Variants in DIS3L2 observed in about 807,000 individuals in gnomAD.
DIS3L2 encodes DIS3 like 3'-5' exoribonuclease 2, also known as DIS3-like exonuclease 2.
DIS3L2 carries 34 observed loss-of-function variants against 97.5 expected under a neutral mutation model. That is an observed-to-expected ratio of 0.35 (90% CI 0.27 to 0.46). DIS3L2 has a LOEUF of 0.46. Among genes scored for constraint, DIS3L2 ranks in the 20% least tolerant of loss-of-function variants. DIS3L2 has a pLI of 1.00. For missense variants in DIS3L2, 1,038 were observed against 1,146.0 expected (o/e 0.91, Z 1.36); for synonymous variants, 435 against 445.2 (o/e 0.98, Z 0.29).
intron 10 of DIS3L2, among the ~76,000 whole-genome samples, chr2:232,232,036 C>G (rs1692806072): frequency 6.6e-6 from 1 of 152,094 alleles, no homozygotes; most frequent in Non-Finnish European, 1.5e-5. Flanking sequence ...CGGGGAGACC[C>G]CTGGGTGTGA....
intron 6 of DIS3L2, among the ~76,000 whole-genome samples, chr2:232,109,463 A>T (rs886413778): frequency 2.0e-5 from 3 of 147,988 alleles, no homozygotes; most frequent in Admixed American, 1.3e-4. Flanking sequence ...ATAAATAAAT[A>T]AAAAAAAATA....
intron 14 of DIS3L2, among the ~76,000 whole-genome samples, chr2:232,318,116 G>A (rs1011211373): frequency 2.4e-4 from 37 of 151,486 alleles, no homozygotes; most frequent in African/African-American, 8.6e-4. Context: ...ACTCCTGCAA[G>A]GCCAGGCCTC....
In DIS3L2 at chr2:232,212,898, A is replaced by G. The variant is rs1031278772; in HGVS notation, c.1204+2493A>G. Among the ~76,000 whole-genome samples, 20 of 152,170 alleles carry G rather than the reference A, an allele frequency of 1.3e-4. 1 individual carries two copies. Among genetic ancestry groups the G allele is most frequent in the Non-Finnish European group, 4.4e-5 (3 of 68,030 alleles). ...GGGAGAGGAGTCCAAGATGGTGCCAAGGTTTCAACCTGGATGACTGGGAGA... is the reference window on the plus strand; with the variant it reads ...GGGAGAGGAGTCCAAGATGGTGCCAGGGTTTCAACCTGGATGACTGGGAGA... On this transcript the variant is annotated intron_variant, in intron 10 of 20. Coordinates refer to ENST00000325385, the MANE Select transcript of DIS3L2 (RefSeq NM_152383.5).
At chr2:232,217,201 G>A (rs1692364508) in intron 10 of DIS3L2, among the ~76,000 whole-genome samples, 1 of 152,130 alleles carries the variant, frequency 6.6e-6, no homozygotes. Context: ...CTGCTGATGA[G>A]GGATCACACC....
intron 12 of DIS3L2, among the ~76,000 whole-genome samples, chr2:232,254,486 CT>C (rs1693503422): frequency 6.8e-6 from 1 of 147,574 alleles, no homozygotes; most frequent in African/African-American, 2.4e-5. Flanking sequence ...TTTGTATTTT[CT>C]AATGTTTTTT....
chr2:232,228,485 T>TA (rs1345248599), intron 10 of DIS3L2, among the ~76,000 whole-genome samples: 7 of 152,208 alleles, frequency 4.6e-5, no homozygotes, highest in Non-Finnish European at 7.3e-5. Context: ...CTACTGTAGT[T>TA]ACATTTCTGG....
Position 232,045,756 on chromosome 2 carries a change from C to T in DIS3L2, c.366+15676C>T, listed in dbSNP as rs529657249. On this transcript the variant is annotated intron_variant, in intron 5 of 20. Transcript: ENST00000325385. ...GTGGTGCGATCTCGGCTCACTGCAA[C>T]CTCCACCTCCTGGGTTCAAGCAATT... is the stretch of plus-strand genomic sequence containing the variant. Among the ~76,000 whole-genome samples, 53 of 146,764 alleles carry T rather than the reference C, an allele frequency of 3.6e-4. No homozygotes were observed. The South Asian group carries it at 5.0e-3, about 14-fold the overall frequency.
At chr2:232,312,605 A>G (rs140686405) in intron 14 of DIS3L2, among the ~76,000 whole-genome samples, 370 of 152,386 alleles carry the variant, frequency 2.4e-3, no homozygotes, top group Non-Finnish European at 4.1e-3. Flanking sequence ...TATAGATTTT[A>G]GAATCAGATT....
At chr2:232,132,698 C>G (rs1698253998) in intron 7 of DIS3L2, among the ~76,000 whole-genome samples, 2 of 152,104 alleles carry the variant, frequency 1.3e-5, no homozygotes, top group Non-Finnish European at 2.9e-5. Context: ...GTAAAGAGCC[C>G]TAATGACCGT....
intron 13 of DIS3L2, among the ~76,000 whole-genome samples, chr2:232,342,916 A>T (rs1278146533): frequency 1.3e-5 from 2 of 151,522 alleles, no homozygotes; most frequent in African/African-American, 4.8e-5. Context: ...AGTGTGCCCC[A>T]GCCCTTGCTG....
intron 14 of DIS3L2, among the ~76,000 whole-genome samples, chr2:232,315,760 CA>C (rs1287724356): frequency 1.3e-5 from 2 of 152,178 alleles, no homozygotes; most frequent in African/African-American, 4.8e-5. Flanking sequence ...TAGAGTGACT[CA>C]GAGCAAGCGC....
intron 5 of DIS3L2, among the ~76,000 whole-genome samples, chr2:232,060,166 G>T (rs754112163): frequency 6.6e-5 from 10 of 151,702 alleles, no homozygotes; most frequent in African/African-American, 9.7e-5. Context: ...CATTTTGTGG[G>T]TTTTTTTCCA....
intron 1 of DIS3L2, among the ~76,000 whole-genome samples, chr2:232,012,220 G>C (rs1298661670): frequency 2.0e-5 from 3 of 152,098 alleles, no homozygotes; most frequent in African/African-American, 7.2e-5. Flanking sequence ...CAGCTTTTGA[G>C]CACCTATTCT....
rs1695687832 is a variant in DIS3L2 at position 232,329,961 on chromosome 2, C to G, written c.1888C>G (p.Leu630Val). The change falls in exon 15 of 21, where the codon CTG (leucine) becomes GTG (valine). Residue 630 changes from leucine (L) to valine (V), a missense_variant. Around this residue, in one of 3 missense-constraint regions of DIS3L2, gnomAD observed 813 missense variants for 880.1 expected, o/e 0.92. Coordinates refer to ENST00000325385, the MANE Select transcript of DIS3L2 (RefSeq NM_152383.5). ...GGTGGAATTCTGCGACCAGATGGGG[C>G]TGCCCGTGGACTTCAGCTCCGCAGG... ...DLVEFCDQMG[L>V]PVDFSSAGAL... 1.9e-6 allele frequency: 3 copies of G among 1,612,870 alleles called. No homozygotes were observed. Among genetic ancestry groups the G allele is most frequent in the African/African-American group, 2.7e-5 (2 of 75,060 alleles).
intron 10 of DIS3L2, among the ~76,000 whole-genome samples, chr2:232,219,595 G>C (rs1692437988): frequency 6.6e-6 from 1 of 152,110 alleles, no homozygotes; most frequent in Non-Finnish European, 1.5e-5. Flanking sequence ...TCATGTCTCA[G>C]TGGTACCTAT....
chr2:232,232,025 G>A (rs529322279), intron 10 of DIS3L2, among the ~76,000 whole-genome samples: 10 of 152,292 alleles, frequency 6.6e-5, no homozygotes, highest in East Asian at 1.9e-4. Context: ...AGAGAGAACC[G>A]CGGGGAGACC....
chr2:232,318,377 G>A (rs1695334233), intron 14 of DIS3L2, among the ~76,000 whole-genome samples: 1 of 152,230 alleles, frequency 6.6e-6, no homozygotes, highest in Non-Finnish European at 1.5e-5. Flanking sequence ...GTGTTCTCTG[G>A]CCCAGTTGTA....
In DIS3L2 at chr2:232,249,332, A is replaced by G; in HGVS notation, c.1411A>G (p.Thr471Ala). 1 of 1,614,048 alleles carries G rather than the reference A, an allele frequency of 6.2e-7. No homozygotes were observed. Among genetic ancestry groups the G allele is most frequent in the East Asian group, 2.2e-5 (1 of 44,888 alleles). The change falls in exon 12 of 21, where the codon ACT becomes GCT. Residue 471 changes from threonine to alanine, a missense_variant. Transcript: ENST00000325385. The part of the protein sequence containing the change: ...KLTFSVIWTL[T>A]PEGKILDEWF... ...GACCTTCTCTGTGATCTGGACACTG[A>G]CTCCAGAGGGCAAGGTAACAACTTA...
chr2:232,068,201 A>T (rs1466137118), intron 5 of DIS3L2, among the ~76,000 whole-genome samples: 1 of 152,162 alleles, frequency 6.6e-6, no homozygotes, highest in Non-Finnish European at 1.5e-5. Flanking sequence ...TTAGATTTTT[A>T]AAATCTAGCA....
Sources: gnomAD v4.1 joint callset for allele counts (sites outside exome capture counted in the v4.1 genomes callset) on GRCh38, gnomAD v4.1.1 for gene constraint, gnomAD v4.1.1 regional missense constraint, MANE v1.5 for transcripts, NCBI Gene and HGNC (gene_info 2026-07-23, HGNC 2026-07-21) for gene names.